ERC2: variants seen among roughly 807,000 people sequenced by gnomAD.
ERC2 encodes the protein ELKS/RAB6-interacting/CAST family member 2.
In ERC2, 42 loss-of-function variants were observed where a neutral mutation model predicts 114.8. The ratio of observed to expected loss-of-function variants is 0.37; its 90% CI spans 0.29 to 0.47. The LOEUF (loss-of-function observed/expected upper bound fraction) is 0.47, where lower values mean the gene tolerates loss of function less well. Among genes scored for constraint, ERC2 ranks in the 20% least tolerant of loss-of-function variants. The probability of loss-of-function intolerance (pLI) is 0.99; values close to 1 mark genes in which losing one functional copy is unlikely to be tolerated. For missense variants in ERC2, 939 were observed against 1,150.7 expected (o/e 0.82, Z 2.66); for synonymous variants, 454 against 425.5 (o/e 1.07, Z -0.82).
intron 17 of ERC2, among the ~76,000 whole-genome samples, chr3:55,629,213 A>G (rs529548695): frequency 8.1e-4 from 123 of 152,314 alleles, no homozygotes; most frequent in African/African-American, 2.8e-3. Context: ...AATACCATGA[A>G]GCTCACTATC....
At position 56,221,100 on chromosome 3, in the gene ERC2, C is replaced by T. The variant is rs536950479; in HGVS notation, c.1075-47580G>A. 2.0e-5 allele frequency among the ~76,000 whole-genome samples: 3 copies of T among 152,074 alleles called. No individual in the cohort carries two copies. The East Asian group carries it at 5.8e-4, about 29-fold the overall frequency. On this transcript the variant is annotated intron_variant, in intron 3 of 17. Transcript: ENST00000288221. ...AGAAGTCACACACATAAACAAACAT[C>T]TGTTAGAGACACACAGTGAAGTAAG...
Position 56,296,050 on chromosome 3 carries a change from T to C in ERC2, c.1043A>G (p.Gln348Arg). 1 of 1,601,670 alleles carries C rather than the reference T, an allele frequency of 6.2e-7. No homozygotes were observed. Among genetic ancestry groups the C allele is most frequent in the Non-Finnish European group, 8.5e-7 (1 of 1,172,458 alleles). The change falls in exon 3 of 18, where the codon CAG (glutamine) becomes CGG (arginine). Residue 348 changes from glutamine (Q) to arginine (R), a missense_variant. Physicochemically the swap from Gln to Arg is conservative, Grantham distance 43. Coordinates refer to ENST00000288221, the MANE Select transcript of ERC2 (RefSeq NM_015576.3). ...QVSHLEVILD[Q>R]KEKENIHLRE... Reference sequence around the variant, plus strand: ...AAGATGTATGTTTTCCTTCTCTTTCTGATCTAAAATCACTTCCAAGTGGCT... The same window carrying C: ...AAGATGTATGTTTTCCTTCTCTTTCCGATCTAAAATCACTTCCAAGTGGCT...
chr3:56,310,298 C>T lies in ERC2; in HGVS notation c.658-13863G>A, dbSNP rs1488399959. Among the ~76,000 whole-genome samples, 9 of 152,214 alleles carry T rather than the reference C, an allele frequency of 5.9e-5. No individual in the cohort carries two copies. In the East Asian group the frequency reaches 9.7e-4, roughly 16 times the overall value. ...ATAGAAACGATAGCTAAAATAGAAA[C>T]GCTTATAATATTAACAGTCACAGCC... On this transcript the variant is annotated intron_variant, in intron 2 of 17. Transcript: ENST00000288221.
intron 3 of ERC2, among the ~76,000 whole-genome samples, chr3:56,283,269 T>C (rs2054467839): frequency 6.6e-6 from 1 of 152,160 alleles, no homozygotes; most frequent in South Asian, 2.1e-4. Flanking sequence ...CATGAAAGTA[T>C]TGCAACAGAG....
chr3:56,221,424 T>C (rs1030935632), intron 3 of ERC2, among the ~76,000 whole-genome samples: 4 of 151,722 alleles, frequency 2.6e-5, no homozygotes, highest in South Asian at 2.1e-4. Context: ...TTCTTGCTCA[T>C]TGACTTTATT....
intron 17 of ERC2, among the ~76,000 whole-genome samples, chr3:55,603,693 G>A (rs1199065199): frequency 1.5e-5 from 2 of 137,784 alleles, no homozygotes; most frequent in East Asian, 4.4e-4. Context: ...TTCATTTTTT[G>A]AAACAAATCA....
chr3:55,808,784 G>C (rs2059603875), intron 14 of ERC2, among the ~76,000 whole-genome samples: 1 of 141,740 alleles, frequency 7.1e-6, no homozygotes, highest in East Asian at 2.1e-4. Flanking sequence ...ATAATTGTGA[G>C]AGAATATGAC....
intron 14 of ERC2, among the ~76,000 whole-genome samples, chr3:55,866,810 A>G (rs2062339258): frequency 6.6e-6 from 1 of 152,174 alleles, no homozygotes; most frequent in Non-Finnish European, 1.5e-5. Flanking sequence ...CAAGATGTCC[A>G]GAGAAATTAA....
chr3:56,419,272 G>A (rs766372417), intron 2 of ERC2, among the ~76,000 whole-genome samples: 1 of 152,178 alleles, frequency 6.6e-6, no homozygotes, highest in Non-Finnish European at 1.5e-5. Context: ...TGCATTTGTA[G>A]TATGAGATTT....
At chr3:56,032,567 A>G (rs2074434516) in intron 7 of ERC2, among the ~76,000 whole-genome samples, 1 of 152,146 alleles carries the variant, frequency 6.6e-6, no homozygotes, top group Non-Finnish European at 1.5e-5. Flanking sequence ...AAATAAATAT[A>G]AAAAGATCTT....
intron 12 of ERC2, among the ~76,000 whole-genome samples, chr3:55,956,619 G>A (rs545060819): frequency 6.6e-6 from 1 of 152,204 alleles, no homozygotes; most frequent in South Asian, 2.1e-4. Context: ...GTGGCAACTT[G>A]AACCTAACTC....
intron 3 of ERC2, among the ~76,000 whole-genome samples, chr3:56,253,223 A>C (rs745491447): frequency 3.3e-5 from 5 of 152,212 alleles, no homozygotes; most frequent in Admixed American, 6.5e-5. Context: ...TAATAACTTA[A>C]TGAAGATTAA....
intron 12 of ERC2, among the ~76,000 whole-genome samples, chr3:55,972,392 G>C (rs2069234100): frequency 6.6e-6 from 1 of 152,104 alleles, no homozygotes; most frequent in African/African-American, 2.4e-5. Flanking sequence ...AGCCCCACAT[G>C]CATTAGATAT....
chr3:56,081,255 T>G (rs1388828946), intron 6 of ERC2, among the ~76,000 whole-genome samples: 1 of 152,200 alleles, frequency 6.6e-6, no homozygotes, highest in Non-Finnish European at 1.5e-5. Flanking sequence ...TTTCCATGTT[T>G]GTTTCCCTAC....
intron 14 of ERC2, among the ~76,000 whole-genome samples, chr3:55,757,711 T>C (rs1307488538): frequency 1.3e-5 from 2 of 152,168 alleles, no homozygotes; most frequent in Non-Finnish European, 2.9e-5. Flanking sequence ...GGAGGAGTTA[T>C]AAACCTATAA....
intron 13 of ERC2, among the ~76,000 whole-genome samples, chr3:55,915,360 T>C (rs1056665540): frequency 1.7e-4 from 26 of 152,004 alleles, no homozygotes; most frequent in African/African-American, 6.3e-4. Context: ...AAAAAAAAAG[T>C]CTGCAGTACA....
At chr3:55,948,513 T>C (rs2067275355) in intron 13 of ERC2, among the ~76,000 whole-genome samples, 1 of 152,258 alleles carries the variant, frequency 6.6e-6, no homozygotes, top group Non-Finnish European at 1.5e-5. Flanking sequence ...GGAGGTTTAC[T>C]CTCTATTAAC....
At chr3:56,037,572 A>T (rs1249142631) in intron 7 of ERC2, among the ~76,000 whole-genome samples, 1 of 152,196 alleles carries the variant, frequency 6.6e-6, no homozygotes, top group Non-Finnish European at 1.5e-5. Flanking sequence ...CAAACTTATG[A>T]CTGATTGGGG....
chr3:55,744,811 A>G (rs2066204929), intron 14 of ERC2, among the ~76,000 whole-genome samples: 1 of 152,168 alleles, frequency 6.6e-6, no homozygotes, highest in Non-Finnish European at 1.5e-5. Context: ...TCTTTGTTCA[A>G]AACTCCAAGA....
Sources: allele counts gnomAD v4.1 joint callset (sites outside exome capture counted in the v4.1 genomes callset), GRCh38; gene constraint gnomAD v4.1.1; transcripts MANE v1.5; gene names NCBI Gene and HGNC (gene_info 2026-07-23, HGNC 2026-07-21).